The following PCDHA10 variants were observed in gnomAD, a reference collection of about 807,000 sequenced individuals.
PCDHA10 encodes the protein protocadherin alpha 10, also known as protocadherin alpha-10.
Under a neutral mutation model 61.2 loss-of-function variants are expected in PCDHA10, and 45 were observed. The observed-to-expected ratio is 0.74, with a 90% CI of 0.58 to 0.94. The LOEUF is 0.94. Ranked by LOEUF, PCDHA10 falls within the 40% of genes least tolerant of loss-of-function variation. The probability of loss-of-function intolerance (pLI) is 0.00; values close to 1 mark genes in which losing one functional copy is unlikely to be tolerated. For synonymous variants in PCDHA10, 602 were observed against 548.8 expected, an observed-to-expected ratio of 1.10 and a Z score of -1.35; for missense variants, 1,278 against 1,236.2, an observed-to-expected ratio of 1.03 and a Z score of -0.51.
intron 1 of PCDHA10, chr5:140,862,954 T>C (rs781926222): frequency 1.5e-5 from 8 of 542,620 alleles, no homozygotes; most frequent in Non-Finnish European, 2.2e-5. Flanking sequence ...TGGTGCGGTA[T>C]TCAGTGGATG....
At chr5:140,873,957 A>C (rs993299790) in intron 1 of PCDHA10, among the ~76,000 whole-genome samples, 7 of 152,236 alleles carry the variant, frequency 4.6e-5, no homozygotes, top group Non-Finnish European at 7.3e-5. Flanking sequence ...CACTGAGCCC[A>C]GCCTATTTTT....
chr5:140,982,089 C>A (rs2096965506), intron 2 of PCDHA10, among the ~76,000 whole-genome samples: 1 of 152,220 alleles, frequency 6.6e-6, no homozygotes, highest in Non-Finnish European at 1.5e-5. Context: ...AACCTAGGAA[C>A]AAGAGAACCT....
chr5:140,869,853 C>A (rs1408875478), intron 1 of PCDHA10: 1 of 1,610,606 alleles, frequency 6.2e-7, no homozygotes, highest in Admixed American at 1.7e-5. Context: ...ATAAGGTGAG[C>A]CTTATGGAAA....
At chr5:140,981,859 C>A (rs2096954450) in intron 2 of PCDHA10, among the ~76,000 whole-genome samples, 1 of 152,118 alleles carries the variant, frequency 6.6e-6, no homozygotes, top group African/African-American at 2.4e-5. Flanking sequence ...TCACTCCCAG[C>A]AATGTTTTAT....
At chr5:140,935,486 A>C (rs1554210536) in intron 1 of PCDHA10, among the ~76,000 whole-genome samples, 1 of 152,228 alleles carries the variant, frequency 6.6e-6, no homozygotes, top group East Asian at 1.9e-4. Context: ...CTTTTCATTT[A>C]TAAGGCACAT....
intron 1 of PCDHA10, among the ~76,000 whole-genome samples, chr5:140,937,469 T>C (rs1322050073): frequency 6.6e-6 from 1 of 152,210 alleles, no homozygotes; most frequent in Non-Finnish European, 1.5e-5. Flanking sequence ...ATACAAAAAT[T>C]AGCTGGACAT....
intron 1 of PCDHA10, chr5:140,861,112 C>T (rs1554154163): frequency 2.0e-5 from 3 of 152,522 alleles, no homozygotes; most frequent in Admixed American, 6.5e-5. Flanking sequence ...TTAAAAACTA[C>T]AAACACCCAT....
intron 1 of PCDHA10, chr5:140,859,885 A>G (rs2046070858): frequency 1.3e-5 from 2 of 151,844 alleles, no homozygotes; most frequent in South Asian, 4.2e-4. Context: ...TGATATTTTG[A>G]AAAAAAATCT....
intron 1 of PCDHA10, among the ~76,000 whole-genome samples, chr5:140,880,084 T>C (rs1554171167): frequency 6.6e-6 from 1 of 152,208 alleles, no homozygotes. Context: ...CAACCTATTA[T>C]AGTAGGCTTA....
intron 3 of PCDHA10, among the ~76,000 whole-genome samples, chr5:140,986,890 G>A (rs965456573): frequency 6.6e-6 from 1 of 152,124 alleles, no homozygotes; most frequent in Non-Finnish European, 1.5e-5. Flanking sequence ...CAAATTCTTA[G>A]GCCCTATCCT....
At chr5:140,989,829 C>A (rs1554251113) in intron 3 of PCDHA10, among the ~76,000 whole-genome samples, 3 of 152,124 alleles carry the variant, frequency 2.0e-5, no homozygotes, top group Non-Finnish European at 2.9e-5. Context: ...TGCCAGGAAG[C>A]CTGTCAATGA....
At chr5:140,881,070 T>C (rs1461614506) in intron 1 of PCDHA10, among the ~76,000 whole-genome samples, 6 of 152,208 alleles carry the variant, frequency 3.9e-5, no homozygotes, top group Non-Finnish European at 8.8e-5. Flanking sequence ...CAGATAATTA[T>C]TGGAGCTATG....
In PCDHA10 at chr5:140,982,522, G is replaced by A; in HGVS notation, c.2495G>A (p.Gly832Glu). Residue 832 changes from glycine to glutamate, a missense_variant, in exon 3 of 4, where the codon GGG (glycine) becomes GAG (glutamate). Coordinates refer to ENST00000307360, the MANE Select transcript of PCDHA10 (RefSeq NM_018901.4). ...GGCATTCTACGGGCTGGTCCAGGAG[G>A]GCCTGATCAGCAGTGGCCAACAGTA... ...EAGILRAGPG[G>E]PDQQWPTVSS... 2.5e-6 allele frequency: 4 copies of A among 1,614,182 alleles called. No homozygotes were observed. Among genetic ancestry groups the A allele is most frequent in the Non-Finnish European group, 3.4e-6 (4 of 1,180,032 alleles).
At chr5:140,893,380 C>A (rs1554185596) in intron 1 of PCDHA10, among the ~76,000 whole-genome samples, 1 of 152,130 alleles carries the variant, frequency 6.6e-6, no homozygotes, top group African/African-American at 2.4e-5. Context: ...ATTTATGGGA[C>A]AGTGGCTCAT....
intron 3 of PCDHA10, chr5:140,988,920 AACAAC>A (rs1245893791): frequency 6.6e-6 from 1 of 152,174 alleles, no homozygotes; most frequent in Non-Finnish European, 1.5e-5. Context: ...AGGAGAATAG[AACAAC>A]ACTGTTCTCT....
At chr5:140,979,690 A>G (rs2096860224) in intron 2 of PCDHA10, among the ~76,000 whole-genome samples, 1 of 152,252 alleles carries the variant, frequency 6.6e-6, no homozygotes, top group Non-Finnish European at 1.5e-5. Context: ...ATTAACTACC[A>G]TTATTTCTGG....
chr5:140,919,821 T>C (rs944662452), intron 1 of PCDHA10, among the ~76,000 whole-genome samples: 1 of 152,230 alleles, frequency 6.6e-6, no homozygotes, highest in Non-Finnish European at 1.5e-5. Flanking sequence ...CAAAAATATA[T>C]GTCCACATAG....
intron 1 of PCDHA10, among the ~76,000 whole-genome samples, chr5:140,917,324 C>CGGGG (rs1299895515): frequency 3.9e-5 from 3 of 76,180 alleles, no homozygotes; most frequent in African/African-American, 8.6e-5. Context: ...GTTCATGTGG[C>CGGGG]GGGGGAGGGG....
intron 3 of PCDHA10, among the ~76,000 whole-genome samples, chr5:140,993,888 G>A (rs1196429613): frequency 6.6e-6 from 1 of 152,140 alleles, no homozygotes; most frequent in African/African-American, 2.4e-5. Flanking sequence ...GCTCTATGAT[G>A]TCCATACAAC....
Sources: gnomAD v4.1 joint callset for allele counts (sites outside exome capture counted in the v4.1 genomes callset) on GRCh38, gnomAD v4.1.1 for gene constraint, MANE v1.5 for transcripts, NCBI Gene and HGNC (gene_info 2026-07-23, HGNC 2026-07-21) for gene names.